The following MAML3 variants were observed in gnomAD, a reference collection of about 807,000 sequenced individuals.
MAML3 encodes the protein mastermind-like protein 3.
A neutral mutation model predicts 101.9 loss-of-function variants in MAML3; 27 were observed. The observed-to-expected ratio is 0.27, with a 90% CI of 0.20 to 0.37. The LOEUF is 0.37. Ranked by LOEUF, MAML3 falls within the 10% of genes least tolerant of loss-of-function variation. The pLI, the probability that MAML3 is intolerant of heterozygous loss-of-function variation, is 1.00. For synonymous variants in MAML3, 501 were observed against 555.9 expected (o/e 0.90, Z 1.39); for missense variants, 1,316 against 1,444.9 (o/e 0.91, Z 1.45).
chr4:140,104,410 TATA>T lies in MAML3; in HGVS notation c.468+48447_468+48449del, dbSNP rs1259497037. Among the ~76,000 whole-genome samples, 6 of 30,612 alleles carry T rather than the reference TATA, an allele frequency of 2.0e-4. 1 individual carries two copies. The highest frequency in any genetic ancestry group is 8.3e-5 in the Non-Finnish European group (1 of 12,116). The allele number at this position is 30,612 out of a possible 152,430, so 20.1% of individuals were successfully genotyped here. On this transcript the variant is annotated intron_variant, in intron 1 of 4. Coordinates refer to ENST00000509479, the MANE Select transcript of MAML3 (RefSeq NM_018717.5). The stretch of plus-strand genomic sequence containing the variant: ...ATATTATATATTATATAATATATAA[TATA>T]ATATATAATATACACGAATGTGTAT...
chr4:139,853,743 T>G (rs1731602401), intron 2 of MAML3, among the ~76,000 whole-genome samples: 1 of 151,800 alleles, frequency 6.6e-6, no homozygotes, highest in South Asian at 2.1e-4. Flanking sequence ...GGAGTGGGAG[T>G]GGAGAGGGGT....
At chr4:139,768,426 A>T (rs1729910003) in intron 2 of MAML3, among the ~76,000 whole-genome samples, 1 of 152,216 alleles carries the variant, frequency 6.6e-6, no homozygotes, top group South Asian at 2.1e-4. Flanking sequence ...ACATCTGATA[A>T]GTATCTTGAT....
At chr4:139,799,067 C>T (rs1365742206) in intron 2 of MAML3, among the ~76,000 whole-genome samples, 1 of 152,176 alleles carries the variant, frequency 6.6e-6, no homozygotes, top group Non-Finnish European at 1.5e-5. Flanking sequence ...GTTTCTATCC[C>T]GAGCTTGCTT....
At chr4:139,818,546 C>A (rs1184769455) in intron 2 of MAML3, among the ~76,000 whole-genome samples, 3 of 152,138 alleles carry the variant, frequency 2.0e-5, no homozygotes, top group African/African-American at 7.2e-5. Flanking sequence ...AGAAGTCCAT[C>A]CTCCTAAGAG....
intron 2 of MAML3, among the ~76,000 whole-genome samples, chr4:139,741,225 A>G (rs1253495162): frequency 6.6e-6 from 1 of 152,182 alleles, no homozygotes; most frequent in African/African-American, 2.4e-5. Context: ...CCTTATGTAA[A>G]GATTGTGGCT....
At chr4:140,045,234 A>C (rs1160221673) in intron 1 of MAML3, among the ~76,000 whole-genome samples, 1 of 152,118 alleles carries the variant, frequency 6.6e-6, no homozygotes, top group Non-Finnish European at 1.5e-5. Context: ...GTCTCTACTA[A>C]GAATACAAAA....
intron 2 of MAML3, among the ~76,000 whole-genome samples, chr4:139,791,423 C>T (rs1374032749): frequency 6.9e-6 from 1 of 145,856 alleles, no homozygotes; most frequent in African/African-American, 2.6e-5. Context: ...TGCTTGAACT[C>T]AGGAGGTGGA....
intron 1 of MAML3, chr4:140,133,111 A>T (rs1326934691): frequency 4.5e-6 from 2 of 446,102 alleles, no homozygotes; most frequent in African/African-American, 4.0e-5. Context: ...TACATGCCAT[A>T]TACATGGTAA....
intron 2 of MAML3, among the ~76,000 whole-genome samples, chr4:139,837,726 A>G (rs1175299707): frequency 6.6e-6 from 1 of 151,978 alleles, no homozygotes; most frequent in Admixed American, 6.6e-5. Context: ...TCAAGAGCAG[A>G]CTGGCCAACA....
intron 2 of MAML3, among the ~76,000 whole-genome samples, chr4:139,876,707 C>T (rs923165686): frequency 3.3e-5 from 5 of 152,224 alleles, no homozygotes; most frequent in African/African-American, 4.8e-5. Context: ...AGGCTGCCAC[C>T]GATGGCTGTG....
intron 1 of MAML3, among the ~76,000 whole-genome samples, chr4:140,126,916 T>C (rs1728694112): frequency 6.6e-6 from 1 of 152,204 alleles, no homozygotes; most frequent in South Asian, 2.1e-4. Flanking sequence ...AATGGTCTCC[T>C]ATCTCCATCT....
intron 1 of MAML3, among the ~76,000 whole-genome samples, chr4:139,932,655 A>C (rs895483597): frequency 2.0e-5 from 3 of 152,184 alleles, no homozygotes; most frequent in African/African-American, 7.2e-5. Flanking sequence ...AAAAAGCTAA[A>C]ATCACCACAC....
chr4:139,811,024 T>C (rs963882379), intron 2 of MAML3, among the ~76,000 whole-genome samples: 1 of 152,198 alleles, frequency 6.6e-6, no homozygotes, highest in African/African-American at 2.4e-5. Context: ...TTCTGTGACC[T>C]TGAGATAACA....
intron 1 of MAML3, among the ~76,000 whole-genome samples, chr4:139,967,469 GAC>G (rs4057112): frequency 0.16 from 22,155 of 141,216 alleles, 1,612 homozygotes; most frequent in Admixed American, 0.21. Context: ...CTTTTTAAGG[GAC>G]ACACACACAC....
At chr4:140,140,687 TA>T (rs752832672) in intron 1 of MAML3, among the ~76,000 whole-genome samples, 5 of 152,210 alleles carry the variant, frequency 3.3e-5, no homozygotes, top group Non-Finnish European at 5.9e-5. Context: ...GAATGACATA[TA>T]AAGTTTAGGC....
intron 1 of MAML3, among the ~76,000 whole-genome samples, chr4:139,989,461 A>C (rs1246231455): frequency 1.3e-5 from 2 of 152,258 alleles, no homozygotes; most frequent in South Asian, 2.1e-4. Flanking sequence ...TACCCGTATC[A>C]TGCAAATCTG....
At chr4:139,853,073 G>A (rs939331683) in intron 2 of MAML3, among the ~76,000 whole-genome samples, 4 of 152,206 alleles carry the variant, frequency 2.6e-5, no homozygotes, top group African/African-American at 7.2e-5. Flanking sequence ...ATTACAGAAT[G>A]ACTAGGTGAC....
rs1435681148 is a variant in MAML3, at chr4:139,996,750, T to G, written c.469-105783A>C. Among the ~76,000 whole-genome samples, 3 of 151,830 alleles carry G rather than the reference T, an allele frequency of 2.0e-5. No homozygotes were observed. The East Asian group carries it at 5.8e-4, about 29-fold the overall frequency. On this transcript the variant is annotated intron_variant, in intron 1 of 4. Transcript: ENST00000509479. Reference sequence around the variant, plus strand: ...AATGTCTGCCTTTTGATTTGAGTGGTTAGACCATTCACATTAAATATATTA... The same window carrying G: ...AATGTCTGCCTTTTGATTTGAGTGGGTAGACCATTCACATTAAATATATTA...
At chr4:139,730,871 G>T (rs1728678939) in intron 2 of MAML3, 2 of 595,614 alleles carry the variant, frequency 3.4e-6, no homozygotes, top group Non-Finnish European at 3.0e-6. Context: ...ACAAGGGACA[G>T]TAAGAGAGCA....
Sources: allele counts gnomAD v4.1 joint callset (sites outside exome capture counted in the v4.1 genomes callset), GRCh38; gene constraint gnomAD v4.1.1; transcripts MANE v1.5; gene names NCBI Gene and HGNC (gene_info 2026-07-23, HGNC 2026-07-21).